The following ATXN1 variants were observed in gnomAD, a reference collection of about 807,000 sequenced individuals.
ATXN1 encodes ataxin 1.
A neutral mutation model predicts 56.4 loss-of-function variants in ATXN1; 8 were observed. The observed-to-expected ratio is 0.14, with a 90% CI of 0.08 to 0.26. ATXN1 has a LOEUF of 0.26. Ranked by LOEUF, ATXN1 falls within the 10% of genes least tolerant of loss-of-function variation. The pLI is 1.00. For synonymous variants in ATXN1, 514 were observed against 494.6 expected (o/e 1.04, Z -0.52); for missense variants, 987 against 1,106.5 (o/e 0.89, Z 1.53).
At chr6:16,555,079 C>T (rs985387890) in intron 4 of ATXN1, among the ~76,000 whole-genome samples, 1 of 152,180 alleles carries the variant, frequency 6.6e-6, no homozygotes, top group Non-Finnish European at 1.5e-5. Flanking sequence ...CACACCCATG[C>T]CTTTGAAAAT....
intron 4 of ATXN1, among the ~76,000 whole-genome samples, chr6:16,541,720 G>C (rs1001091069): frequency 6.6e-6 from 1 of 152,214 alleles, no homozygotes; most frequent in Non-Finnish European, 1.5e-5. Flanking sequence ...AGAGGAGGCA[G>C]AAAGCCCTGA....
At chr6:16,673,670 C>T in intron 2 of ATXN1, among the ~76,000 whole-genome samples, 1 of 152,042 alleles carries the variant, frequency 6.6e-6, no homozygotes, top group East Asian at 1.9e-4. Flanking sequence ...TTCATTCATT[C>T]AAGAGACCCC....
At chr6:16,690,664 T>C (rs1759025463) in intron 2 of ATXN1, among the ~76,000 whole-genome samples, 1 of 152,136 alleles carries the variant, frequency 6.6e-6, no homozygotes, top group Non-Finnish European at 1.5e-5. Flanking sequence ...AATCACAGAA[T>C]TGTAGATTGG....
chr6:16,439,180 T>A (rs1394963493), intron 6 of ATXN1, among the ~76,000 whole-genome samples: 1 of 151,838 alleles, frequency 6.6e-6, no homozygotes, highest in Non-Finnish European at 1.5e-5. Flanking sequence ...CCTCCAAGAA[T>A]TTAAAAAGGA....
At chr6:16,474,279 A>G (rs1325553663) in intron 6 of ATXN1, among the ~76,000 whole-genome samples, 2 of 152,264 alleles carry the variant, frequency 1.3e-5, no homozygotes, top group East Asian at 1.9e-4. Flanking sequence ...ATCTTGAAGC[A>G]GAGCTTGAAA....
At chr6:16,435,033 T>G (rs1759359775) in intron 6 of ATXN1, among the ~76,000 whole-genome samples, 1 of 152,102 alleles carries the variant, frequency 6.6e-6, no homozygotes, top group Admixed American at 6.6e-5. Context: ...TCAGTAGGAC[T>G]TGGTGACACA....
At chr6:16,663,258 C>G (rs1040720870) in intron 2 of ATXN1, among the ~76,000 whole-genome samples, 2 of 152,036 alleles carry the variant, frequency 1.3e-5, no homozygotes, top group Admixed American at 1.3e-4. Context: ...CAGGAGCCAC[C>G]GTGCCCGGCT....
intron 1 of ATXN1, among the ~76,000 whole-genome samples, chr6:16,755,614 G>A (rs1307204002): frequency 4.0e-5 from 6 of 151,804 alleles, no homozygotes; most frequent in Admixed American, 1.3e-4. Flanking sequence ...TTCTTTGAAC[G>A]TTAGAAGGAT....
chr6:16,360,375 T>C (rs1400268405), intron 6 of ATXN1, among the ~76,000 whole-genome samples: 1 of 152,242 alleles, frequency 6.6e-6, no homozygotes, highest in Non-Finnish European at 1.5e-5. Flanking sequence ...AGATTCAATA[T>C]GTAAATTTGC....
chr6:16,483,948 A>T (rs946279237), intron 6 of ATXN1, among the ~76,000 whole-genome samples: 9 of 152,268 alleles, frequency 5.9e-5, no homozygotes, highest in Non-Finnish European at 1.2e-4. Flanking sequence ...CAGTTACCTG[A>T]TTGGGAAAAT....
Position 16,328,090 on chromosome 6 carries a change from C to G in ATXN1, c.221G>C (p.Gly74Ala), listed in dbSNP as rs1328240186. The G allele has an allele frequency of 6.2e-7, 1 of 1,606,584 alleles. No homozygotes were observed. The highest frequency in any genetic ancestry group is 8.5e-7 in the Non-Finnish European group (1 of 1,174,508). ...GTSVELGLQQ[G>A]IGLHKALSTG... is the part of the protein sequence containing the mutation. ...GGACAATGCTTTGTGTAAACCTATT[C>G]CCTGTTGTAAACCAAGCTCCACCGA... is the stretch of plus-strand genomic sequence containing the variant. The change falls in exon 7 of 8, where the codon GGA becomes GCA. Residue 74 changes from glycine (G) to alanine (A), a missense_variant. Gly to Ala is a moderately conservative substitution (Grantham distance 60). Transcript: ENST00000436367. This position sits in a 1 kb window ranked among gnomAD's most constrained non-coding sequence, Gnocchi z 6.2.
chr6:16,306,231 A>G lies in ATXN1; in HGVS notation c.*98T>C, dbSNP rs1760244510. On this transcript the variant is annotated 3_prime_UTR_variant, in exon 8 of 8. Transcript: ENST00000436367. The surrounding 1 kb of genome is among the most constrained non-coding windows in gnomAD (Gnocchi z 5.2). ...GTTAGAACAGAAACCTAAAATTAAG[A>G]AGATAACATGTAAATACTGTGTTAT... 7 of 1,399,050 alleles carry G rather than the reference A, an allele frequency of 5.0e-6. No homozygotes were observed. Among genetic ancestry groups the G allele is most frequent in the Non-Finnish European group, 6.7e-6 (7 of 1,040,912 alleles). The allele number at this position is 1,399,050 out of a possible 1,614,324, so 86.7% of individuals were successfully genotyped here.
At chr6:16,624,091 C>G (rs373508006) in intron 3 of ATXN1, among the ~76,000 whole-genome samples, 3 of 152,142 alleles carry the variant, frequency 2.0e-5, no homozygotes, top group African/African-American at 7.2e-5. Context: ...TGGCTCGCAC[C>G]TGTAATCCCA....
In ATXN1 at chr6:16,760,821, C is replaced by T. The variant is rs1322600; in HGVS notation, c.-730+477G>A. Among the ~76,000 whole-genome samples the T allele has an allele frequency of 0.3, 44,763 of 150,418 alleles. 6,742 individuals are homozygous for T. The highest frequency in any genetic ancestry group is 0.41 in the Middle Eastern group (120 of 290). ...GGGACCACCCCCCAACCCCAGCCGCCGCCTCCCCCCTGCGCCACCCGGAGG... is the reference window on the plus strand; with the variant it reads ...GGGACCACCCCCCAACCCCAGCCGCTGCCTCCCCCCTGCGCCACCCGGAGG... On this transcript the variant is annotated intron_variant, in intron 1 of 7. Coordinates refer to ENST00000436367, the MANE Select transcript of ATXN1 (RefSeq NM_001128164.2). This position sits in a 1 kb window ranked among gnomAD's most constrained non-coding sequence, Gnocchi z 5.3.
chr6:16,465,058 G>C (rs967043804), intron 6 of ATXN1, among the ~76,000 whole-genome samples: 2 of 152,148 alleles, frequency 1.3e-5, no homozygotes, highest in Non-Finnish European at 2.9e-5. Context: ...CTATAAAAAA[G>C]CCTATTAATT....
intron 3 of ATXN1, among the ~76,000 whole-genome samples, chr6:16,644,503 G>C (rs1246593311): frequency 7.7e-6 from 1 of 129,296 alleles, no homozygotes; most frequent in African/African-American, 3.0e-5. Context: ...GACAGAGCAA[G>C]ACTCCGTTTC....
chr6:16,727,496 T>C (rs1426667756), intron 2 of ATXN1, among the ~76,000 whole-genome samples: 1 of 152,106 alleles, frequency 6.6e-6, no homozygotes, highest in Non-Finnish European at 1.5e-5. Flanking sequence ...AGAAATATAG[T>C]TTTAACTCTC....
intron 6 of ATXN1, among the ~76,000 whole-genome samples, chr6:16,407,132 T>C (rs1183681378): frequency 6.6e-6 from 1 of 152,212 alleles, no homozygotes; most frequent in Non-Finnish European, 1.5e-5. Flanking sequence ...CATGAGGAAG[T>C]TATAGCTCAG....
At chr6:16,621,495 G>A (rs977050276) in intron 3 of ATXN1, among the ~76,000 whole-genome samples, 1 of 152,250 alleles carries the variant, frequency 6.6e-6, no homozygotes, top group Admixed American at 6.5e-5. Flanking sequence ...GCCAAGGCAG[G>A]TGGATCACCT....
Sources: gnomAD v4.1 joint callset for allele counts (sites outside exome capture counted in the v4.1 genomes callset) on GRCh38, gnomAD v4.1.1 for gene constraint, Gnocchi (gnomAD v3.1) non-coding constraint, MANE v1.5 for transcripts, NCBI Gene and HGNC (gene_info 2026-07-23, HGNC 2026-07-21) for gene names.